SNED1: variants seen among roughly 807,000 people sequenced by gnomAD.
The protein encoded by SNED1 is sushi, nidogen and EGF-like domain-containing protein 1.
Under a neutral mutation model 166.7 loss-of-function variants are expected in SNED1, and 81 were observed. The observed-to-expected ratio is 0.49, with a 90% CI of 0.41 to 0.58. SNED1 has a LOEUF of 0.58. Ranked by LOEUF, SNED1 falls within the 20% of genes least tolerant of loss-of-function variation. SNED1 has a pLI of 0.00. For missense variants in SNED1, 1,604 were observed against 2,000.2 expected (o/e 0.80, Z 3.78); for synonymous variants, 762 against 822.0 (o/e 0.93, Z 1.25).
rs773729551 is a variant in SNED1 at position 241,049,115 on chromosome 2, C to G, written c.1598C>G (p.Thr533Ser). 4.3e-6 allele frequency: 7 copies of G among 1,611,692 alleles called. No individual in the cohort carries two copies. In the African/African-American group the frequency reaches 8.0e-5, roughly 18 times the overall value. Residue 533 changes from threonine to serine, a missense_variant, in exon 11 of 32, where the codon ACC (threonine) becomes AGC (serine). Transcript: ENST00000310397. ...HGGSYLCVCH[T>S]DHNASHSLPS... ...GGGAGCTACCTCTGCGTCTGCCACA[C>G]CGACCACAATGCCAGCCACTGTGAG... is the stretch of plus-strand genomic sequence containing the variant.
intron 4 of SNED1, among the ~76,000 whole-genome samples, chr2:241,036,298 G>A (rs952303471): frequency 1.3e-5 from 2 of 151,780 alleles, no homozygotes; most frequent in Non-Finnish European, 2.9e-5. Flanking sequence ...TAGGGAGTCC[G>A]GGCTCACGGG....
Position 241,029,609 on chromosome 2 carries a change from G to A in SNED1, c.214-675G>A, listed in dbSNP as rs550666316. Among the ~76,000 whole-genome samples the A allele has an allele frequency of 3.3e-5, 5 of 152,370 alleles. No homozygotes were observed. The South Asian group carries it at 6.2e-4, about 19-fold the overall frequency. ...AAGAAAACCAGAGCACAGAGAGGTC[G>A]GCAGCTGAACTGTGTCACTGATGGA... On this transcript the variant is annotated intron_variant, in intron 1 of 31. Transcript: ENST00000310397.
chr2:240,998,061 G>A (rs974978620), upstream of SNED1, among the ~76,000 whole-genome samples: 5 of 152,242 alleles, frequency 3.3e-5, no homozygotes, highest in Admixed American at 6.5e-5. Context: ...CCCAGGGGTC[G>A]CCCCGAGGTC....
chr2:241,077,948 G>A (rs535939860), intron 27 of SNED1, among the ~76,000 whole-genome samples: 20 of 152,210 alleles, frequency 1.3e-4, no homozygotes, highest in South Asian at 1.0e-3. Context: ...AATAGTTACC[G>A]CATGACCCAG....
Position 241,081,730 on chromosome 2 carries a change from C to T in SNED1, c.3970C>T (p.Pro1324Ser). ...CTGTCAGAACGGAGGCACTTGTGTG[C>T]CGGGCGCAGACGCCCACAGCTGTGA... is the stretch of plus-strand genomic sequence containing the variant. The part of the protein sequence containing the change: ...NPCQNGGTCV[P>S]GADAHSCDCG... Residue 1324 changes from proline (P) to serine (S), a missense_variant, in exon 28 of 32, where the codon CCG becomes TCG. This residue lies in a region of SNED1 where 367 missense variants were observed against 379.4 expected (regional missense o/e 0.97). Coordinates refer to ENST00000310397, the MANE Select transcript of SNED1 (RefSeq NM_001080437.3). 6.2e-7 allele frequency: 1 copy of T among 1,609,464 alleles called. No individual in the cohort carries two copies. Among genetic ancestry groups the T allele is most frequent in the African/African-American group, 1.3e-5 (1 of 74,982 alleles).
chr2:241,007,432 C>T (rs878925461), intron 1 of SNED1, among the ~76,000 whole-genome samples: 1 of 152,204 alleles, frequency 6.6e-6, no homozygotes, highest in Non-Finnish European at 1.5e-5. Context: ...TTTAAGGAGA[C>T]GGAAGAGCAG....
At chr2:241,083,147 G>T (rs982986245) in intron 29 of SNED1, among the ~76,000 whole-genome samples, 1 of 152,238 alleles carries the variant, frequency 6.6e-6, no homozygotes, top group African/African-American at 2.4e-5. Context: ...ACGAGACCAG[G>T]AGAGCCTGCT....
rs1377514478 is a variant in SNED1 at position 241,037,336 on chromosome 2, G to C, written c.1028G>C (p.Gly343Ala). The change falls in exon 6 of 32, where the codon GGA becomes GCA. Residue 343 changes from glycine to alanine, a missense_variant. This residue lies in a region of SNED1 where 1,237 missense variants were observed against 1,620.8 expected (regional missense o/e 0.76). Coordinates refer to ENST00000310397, the MANE Select transcript of SNED1 (RefSeq NM_001080437.3). ...TGCCAGTGCCCGGCTGGCTTTGGGG[G>C]ACCCACCTGTGAGACAGGTAAGAGG... ...FRCQCPAGFGGPTCETAQSPC... is the reference protein window; with the variant it reads ...FRCQCPAGFGAPTCETAQSPC... 6.2e-7 allele frequency: 1 copy of C among 1,608,392 alleles called. No homozygotes were observed. Among genetic ancestry groups the C allele is most frequent in the East Asian group, 2.2e-5 (1 of 44,706 alleles).
At chr2:241,003,107 C>A (rs996885483) in intron 1 of SNED1, among the ~76,000 whole-genome samples, 1 of 147,062 alleles carries the variant, frequency 6.8e-6, no homozygotes, top group East Asian at 2.1e-4. Context: ...CGCTTCCCTG[C>A]CCCCCTCCGC....
In SNED1 at chr2:241,045,428, G is replaced by C. The variant is rs545115847; in HGVS notation, c.1274-2887G>C. Among the ~76,000 whole-genome samples the C allele has an allele frequency of 2.0e-4, 31 of 152,324 alleles. 1 individual carries two copies. The South Asian group carries it at 5.8e-3, about 29-fold the overall frequency. On this transcript the variant is annotated intron_variant, in intron 8 of 31. Transcript: ENST00000310397. ...CTGTAAAGCCACAGTGATCAATTCAGTGTGATATTGGCAAAGGGACTGACA... is the reference window on the plus strand; with the variant it reads ...CTGTAAAGCCACAGTGATCAATTCACTGTGATATTGGCAAAGGGACTGACA...
chr2:241,043,466 A>G (rs1195624857), intron 8 of SNED1, among the ~76,000 whole-genome samples: 1 of 152,216 alleles, frequency 6.6e-6, no homozygotes, highest in East Asian at 1.9e-4. Flanking sequence ...AACAAAAATG[A>G]AGAGCATTCA....
In SNED1 at chr2:241,094,520, G is replaced by A. The variant is rs2064262157; in HGVS notation, c.*2884G>A. The stretch of plus-strand genomic sequence containing the variant: ...CCTACCAGGGGTATTCCAGTGCATA[G>A]GGGAAAGGAACCCGGCTGAAAAACC... On this transcript the variant is annotated 3_prime_UTR_variant, in exon 32 of 32. Coordinates refer to ENST00000310397, the MANE Select transcript of SNED1 (RefSeq NM_001080437.3). This position sits in a 1 kb window ranked among gnomAD's most constrained non-coding sequence, Gnocchi z 4.3. 5.1e-6 allele frequency: 2 copies of A among 389,852 alleles called. No homozygotes were observed. The highest frequency in any genetic ancestry group is 1.5e-4 in the East Asian group (2 of 13,556). The allele number at this position is 389,852 out of a possible 1,614,324, so 24.1% of individuals were successfully genotyped here. A position where few individuals can be genotyped will look rare whatever the true frequency, so the allele number is the denominator to read the frequency against.
Position 241,049,920 on chromosome 2 carries a change from G to C in SNED1, c.1722G>C (p.Lys574Asn). The change falls in exon 12 of 32, where the codon AAG becomes AAC. Residue 574 changes from lysine to asparagine, a missense_variant. Transcript: ENST00000310397. Reference protein sequence around the residue: ...TCECPRGFHGKHCEKARPHLC... With the variant: ...TCECPRGFHGNHCEKARPHLC... ...AGTGCCCGCGCGGGTTCCACGGCAA[G>C]CACTGCGAGAAAGGTATGGCGGGCA... 6 of 1,613,488 alleles carry C rather than the reference G, an allele frequency of 3.7e-6. No homozygotes were observed. The highest frequency in any genetic ancestry group is 5.1e-6 in the Non-Finnish European group (6 of 1,179,570).
At chr2:241,029,007 T>G (rs1289581120) in intron 1 of SNED1, among the ~76,000 whole-genome samples, 1 of 152,238 alleles carries the variant, frequency 6.6e-6, no homozygotes, top group Admixed American at 6.5e-5. Context: ...TTTGCCTCTG[T>G]GTAGAAGGCA....
chr2:241,083,852 T>C (rs2063447601), intron 29 of SNED1, among the ~76,000 whole-genome samples: 1 of 152,160 alleles, frequency 6.6e-6, no homozygotes, highest in African/African-American at 2.4e-5. Context: ...TTAGACCATT[T>C]ACTACCTTCC....
intron 16 of SNED1, among the ~76,000 whole-genome samples, chr2:241,055,116 C>CAA (rs71827347): frequency 7.9e-6 from 1 of 126,032 alleles, no homozygotes; most frequent in African/African-American, 2.8e-5. Flanking sequence ...GACTCTGTCT[C>CAA]AAAAAAAAAA....
intron 8 of SNED1, among the ~76,000 whole-genome samples, chr2:241,043,868 T>A (rs576375128): frequency 1.3e-5 from 2 of 152,330 alleles, no homozygotes; most frequent in African/African-American, 4.8e-5. Flanking sequence ...ACTGTACTTT[T>A]AAAAATTGAT....
At chr2:241,061,946 A>G (rs2062246269) in intron 16 of SNED1, among the ~76,000 whole-genome samples, 1 of 152,202 alleles carries the variant, frequency 6.6e-6, no homozygotes, top group African/African-American at 2.4e-5. Flanking sequence ...GAAGTATGAT[A>G]TAACCACACT....
At chr2:241,035,948 C>T (rs2061344303) in intron 4 of SNED1, among the ~76,000 whole-genome samples, 1 of 74,046 alleles carries the variant, frequency 1.4e-5, no homozygotes, top group Non-Finnish European at 2.6e-5. Context: ...TGCAGGTGTG[C>T]CACGGGGTTG....
Sources: gnomAD v4.1 joint callset for allele counts (sites outside exome capture counted in the v4.1 genomes callset) on GRCh38, gnomAD v4.1.1 for gene constraint, gnomAD v4.1.1 regional missense constraint, Gnocchi (gnomAD v3.1) non-coding constraint, MANE v1.5 for transcripts, NCBI Gene and HGNC (gene_info 2026-07-23, HGNC 2026-07-21) for gene names.